ADAMTS19: variants seen among roughly 807,000 people sequenced by gnomAD.
ADAMTS19 encodes ADAM metallopeptidase with thrombospondin type 1 motif 19.
Under a neutral mutation model 153.3 loss-of-function variants are expected in ADAMTS19, and 93 were observed. That is an observed-to-expected ratio of 0.61 (90% CI 0.51 to 0.72). The LOEUF (loss-of-function observed/expected upper bound fraction) is 0.72, where lower values mean the gene tolerates loss of function less well. ADAMTS19 is among the 30% of genes least tolerant of loss of function. The pLI, the probability that ADAMTS19 is intolerant of heterozygous loss-of-function variation, is 0.00. For synonymous variants in ADAMTS19, 600 were observed against 556.6 expected (o/e 1.08, Z -1.10); for missense variants, 1,482 against 1,552.1 (o/e 0.95, Z 0.76).
At chr5:129,573,465 A>G (rs1275393423) in intron 7 of ADAMTS19, among the ~76,000 whole-genome samples, 1 of 152,014 alleles carries the variant, frequency 6.6e-6, no homozygotes, top group Non-Finnish European at 1.5e-5. Flanking sequence ...CTCCCCAGTT[A>G]GATTCTCATC....
chr5:129,498,240 C>T (rs1371170655), intron 2 of ADAMTS19, among the ~76,000 whole-genome samples: 1 of 152,050 alleles, frequency 6.6e-6, no homozygotes, highest in Non-Finnish European at 1.5e-5. Flanking sequence ...TGTGTCTCTC[C>T]ATTTCAATCT....
rs1750387789 is a variant in ADAMTS19, at chr5:129,596,579, A to T, written c.1393A>T (p.Met465Leu). ...TTTAGGTATAGCTTACTTGAGTGGA[A>T]TGTGTAGTGAAAAGAGAAAATGTAT... ...DTVGIAYLSG[M>L]CSEKRKCIIA... The change falls in exon 8 of 23, where the codon ATG becomes TTG. Residue 465 changes from methionine to leucine, a missense_variant. Coordinates refer to ENST00000274487, the MANE Select transcript of ADAMTS19 (RefSeq NM_133638.6). 2.5e-6 allele frequency: 4 copies of T among 1,605,964 alleles called. No individual in the cohort carries two copies. The East Asian group carries it at 9.0e-5, about 36-fold the overall frequency.
chr5:129,648,877 T>A lies in ADAMTS19; in HGVS notation c.2083T>A (p.Leu695Met). 1 of 1,613,942 alleles carries A rather than the reference T, an allele frequency of 6.2e-7. No homozygotes were observed. Among genetic ancestry groups the A allele is most frequent in the Non-Finnish European group, 8.5e-7 (1 of 1,179,894 alleles). Residue 695 changes from leucine (L) to methionine (M), a missense_variant, in exon 13 of 23, where the codon TTG becomes ATG. Leu to Met is a conservative substitution (Grantham distance 15, BLOSUM62 2). This residue lies in a region of ADAMTS19 where 616 missense variants were observed against 724.4 expected (regional missense o/e 0.85). Transcript: ENST00000274487. ...TGAGAATCCACCTTGTCCTGCAGGT[T>A]TGCCTGGATTCAGAGACTGGCAATG... ...ICENPPCPAG[L>M]PGFRDWQCQA... is the part of the protein sequence containing the mutation.
At chr5:129,566,429 A>T (rs1561574812) in intron 7 of ADAMTS19, among the ~76,000 whole-genome samples, 1 of 152,192 alleles carries the variant, frequency 6.6e-6, no homozygotes, top group Admixed American at 6.5e-5. Flanking sequence ...CATTGAATGC[A>T]CCTATAAAAC....
intron 7 of ADAMTS19, among the ~76,000 whole-genome samples, chr5:129,563,243 A>G (rs1276751863): frequency 6.6e-6 from 1 of 152,048 alleles, no homozygotes; most frequent in East Asian, 1.9e-4. Context: ...CACCTCAACC[A>G]TAGAGAATTT....
chr5:129,707,078 C>T (rs1756194902), intron 21 of ADAMTS19, among the ~76,000 whole-genome samples: 2 of 152,140 alleles, frequency 1.3e-5, no homozygotes, highest in Non-Finnish European at 2.9e-5. Flanking sequence ...CACGGATATA[C>T]ATACATATGG....
rs529444004 is a variant in ADAMTS19 at position 129,645,885 on chromosome 5, A to ATTTTTTTTTTTTTTTTTT, written c.1873-1876_1873-1859dup. On this transcript the variant is annotated intron_variant, in intron 11 of 22. Coordinates refer to ENST00000274487, the MANE Select transcript of ADAMTS19 (RefSeq NM_133638.6). ...CACATGGTTTCTTTCTCCTTTTCCA[A>ATTTTTTTTTTTTTTTTTT]TTTTTTTTTTTTTTTTTTTTTGAGA... Among the ~76,000 whole-genome samples the ATTTTTTTTTTTTTTTTTT allele has an allele frequency of 2.6e-3, 256 of 97,064 alleles. 16 individuals are homozygous for ATTTTTTTTTTTTTTTTTT. Among genetic ancestry groups the ATTTTTTTTTTTTTTTTTT allele is most frequent in the African/African-American group, 4.8e-3 (107 of 22,500 alleles). The allele number at this position is 97,064 out of a possible 152,430, so 63.7% of individuals were successfully genotyped here.
At chr5:129,707,804 A>C (rs17163045) in intron 21 of ADAMTS19, among the ~76,000 whole-genome samples, 1 of 152,196 alleles carries the variant, frequency 6.6e-6, no homozygotes, top group African/African-American at 2.4e-5. Flanking sequence ...AGTGGACTTC[A>C]GCCTTGGATT....
chr5:129,617,825 C>CT (rs2126970389), intron 8 of ADAMTS19, among the ~76,000 whole-genome samples: 2 of 152,118 alleles, frequency 1.3e-5, no homozygotes, highest in Admixed American at 1.3e-4. Context: ...GAAGGGCACA[C>CT]TTTCACCAAA....
In ADAMTS19 at chr5:129,560,852, T is replaced by C. The variant is rs1233766922; in HGVS notation, c.1372+8945T>C. ...TTTATAGTTAAGATGTCACCGCAAG[T>C]TTTTTTAAAAAAATAGTTTTAGAAA... On this transcript the variant is annotated intron_variant, in intron 7 of 22. Coordinates refer to ENST00000274487, the MANE Select transcript of ADAMTS19 (RefSeq NM_133638.6). Among the ~76,000 whole-genome samples the C allele has an allele frequency of 3.9e-5, 6 of 152,264 alleles. No homozygotes were observed. The East Asian group carries it at 1.2e-3, about 29-fold the overall frequency.
rs527579966 is a variant in ADAMTS19 at position 129,464,762 on chromosome 5, A to C, written c.747+3005A>C. Reference sequence around the variant, plus strand: ...GGATCTCATATCTGGATCTCTCTCTATATAAAATGTACAAATTGTACTTAT... The same window carrying C: ...GGATCTCATATCTGGATCTCTCTCTCTATAAAATGTACAAATTGTACTTAT... On this transcript the variant is annotated intron_variant, in intron 2 of 22. Coordinates refer to ENST00000274487, the MANE Select transcript of ADAMTS19 (RefSeq NM_133638.6). Among the ~76,000 whole-genome samples, 34 of 152,320 alleles carry C rather than the reference A, an allele frequency of 2.2e-4. No individual in the cohort carries two copies. In the South Asian group the frequency reaches 6.8e-3, roughly 31 times the overall value.
intron 16 of ADAMTS19, among the ~76,000 whole-genome samples, chr5:129,669,975 T>TG (rs34598732): frequency 3.9e-5 from 6 of 152,082 alleles, no homozygotes; most frequent in African/African-American, 1.2e-4. Flanking sequence ...AGATATGTGG[T>TG]GGGGGGTTGT....
At chr5:129,635,803 A>T (rs543998171) in intron 10 of ADAMTS19, among the ~76,000 whole-genome samples, 1 of 152,160 alleles carries the variant, frequency 6.6e-6, no homozygotes, top group Admixed American at 6.5e-5. Context: ...CTTACTACCT[A>T]GGTGATGAAA....
At chr5:129,627,760 A>T (rs1045744982) in intron 10 of ADAMTS19, among the ~76,000 whole-genome samples, 1 of 152,190 alleles carries the variant, frequency 6.6e-6, no homozygotes, top group Non-Finnish European at 1.5e-5. Flanking sequence ...CACACCAGTC[A>T]GAATGGCTAT....
chr5:129,562,974 A>G (rs1753576925), intron 7 of ADAMTS19, among the ~76,000 whole-genome samples: 1 of 152,202 alleles, frequency 6.6e-6, no homozygotes, highest in Non-Finnish European at 1.5e-5. Context: ...CATATTGTCA[A>G]ATAGGTATAC....
At chr5:129,514,270 G>A (rs907867932) in intron 3 of ADAMTS19, among the ~76,000 whole-genome samples, 6 of 152,056 alleles carry the variant, frequency 3.9e-5, no homozygotes, top group African/African-American at 1.4e-4. Context: ...ATATCTCTTA[G>A]ATACACTGAT....
At chr5:129,515,008 G>T (rs766686497) in intron 3 of ADAMTS19, among the ~76,000 whole-genome samples, 1 of 151,992 alleles carries the variant, frequency 6.6e-6, no homozygotes, top group Non-Finnish European at 1.5e-5. Context: ...TTTGCAAATG[G>T]ATATTCAGTT....
Position 129,624,124 on chromosome 5 carries a change from C to A in ADAMTS19, c.1770+1776C>A, listed in dbSNP as rs576285939. On this transcript the variant is annotated intron_variant, in intron 10 of 22. Transcript: ENST00000274487. The stretch of plus-strand genomic sequence containing the variant: ...CCTGGACTACAGAGTGAGGCTCAGT[C>A]TCAAAAAAAAAAAAAAAAAAAAAAA... 7.9e-5 allele frequency among the ~76,000 whole-genome samples: 4 copies of A among 50,834 alleles called. No individual in the cohort carries two copies. The East Asian group carries it at 2.7e-3, about 34-fold the overall frequency. 33.3% of individuals were successfully genotyped at this position (50,834 alleles called of 152,430 possible).
At chr5:129,514,130 T>G (rs1751521929) in intron 3 of ADAMTS19, among the ~76,000 whole-genome samples, 1 of 123,776 alleles carries the variant, frequency 8.1e-6, no homozygotes, top group African/African-American at 3.5e-5. Flanking sequence ...CTCATTCTTT[T>G]TGTGGCTGAA....
Sources: allele counts gnomAD v4.1 joint callset (sites outside exome capture counted in the v4.1 genomes callset), GRCh38; gene constraint gnomAD v4.1.1; regional missense constraint gnomAD v4.1.1; transcripts MANE v1.5; gene names NCBI Gene and HGNC (gene_info 2026-07-23, HGNC 2026-07-21).